KLRC1: variants seen among roughly 807,000 people sequenced by gnomAD.
KLRC1 encodes NKG2-A/NKG2-B type II integral membrane protein.
Under a neutral mutation model 25.9 loss-of-function variants are expected in KLRC1, and 22 were observed. That is an observed-to-expected ratio of 0.85 (90% CI 0.61 to 1.21). The LOEUF (loss-of-function observed/expected upper bound fraction) is 1.21. KLRC1 is among the 50% of genes most tolerant of loss of function. The pLI is 0.00. For synonymous variants in KLRC1, 77 were observed against 93.1 expected, an observed-to-expected ratio of 0.83 and a Z score of 0.99; for missense variants, 240 against 272.2, an observed-to-expected ratio of 0.88 and a Z score of 0.83.
chr12:10,450,390 T>C, intron 3 of KLRC1, 94 bp downstream of exon 3: 1 of 700,914 alleles, frequency 1.4e-6, no homozygotes, highest in Non-Finnish European at 2.5e-6. Context: ...TACATTACAA[T>C]GAGAACTCTA....
chr12:10,446,405 G>A lies in KLRC1; in HGVS notation c.*146C>T, dbSNP rs1863985071. On this transcript the variant is annotated 3_prime_UTR_variant, in exon 7 of 7. Coordinates refer to ENST00000359151, the MANE Select transcript of KLRC1 (RefSeq NM_002259.5). Reference sequence around the variant, plus strand: ...AGGATGTCTGTACTTTAGTAATTGTGTGTATCCTGTTTCAATAATTGATTT... The same window carrying A: ...AGGATGTCTGTACTTTAGTAATTGTATGTATCCTGTTTCAATAATTGATTT... 46 of 1,430,510 alleles carry A rather than the reference G, an allele frequency of 3.2e-5. No individual in the cohort carries two copies. Among genetic ancestry groups the A allele is most frequent in the Middle Eastern group, 2.6e-4 (1 of 3,814 alleles). 88.6% of individuals were successfully genotyped at this position (1,430,510 alleles called of 1,614,324 possible).
chr12:10,445,385 A>G (rs1009444952), downstream of KLRC1, among the ~76,000 whole-genome samples: 3 of 72,708 alleles, frequency 4.1e-5, no homozygotes, highest in African/African-American at 4.9e-4. Flanking sequence ...ACAATTGATA[A>G]AATCTATTAG....
chr12:10,444,546 G>A (rs190059077), downstream of KLRC1, among the ~76,000 whole-genome samples: 1 of 123,616 alleles, frequency 8.1e-6, no homozygotes, highest in Non-Finnish European at 1.9e-5. Flanking sequence ...CAATAAAACT[G>A]TATTTTCATT....
intron 6 of KLRC1, chr12:10,447,211 A>ATT (rs200612886): frequency 9.7e-6 from 2 of 206,106 alleles, no homozygotes; most frequent in Non-Finnish European, 1.9e-5. Context: ...ACATTCTGTG[A>ATT]TTTTTTTTTT....
chr12:10,453,051 T>A (rs559247981), intron 1 of KLRC1, 147 bp downstream of exon 1: 1 of 211,232 alleles, frequency 4.7e-6, no homozygotes, highest in Non-Finnish European at 8.2e-6. Context: ...TTTAGGTTTT[T>A]ACCCTGAGTT....
intron 1 of KLRC1, among the ~76,000 whole-genome samples, chr12:10,452,887 A>G (rs1407571113): frequency 1.3e-5 from 2 of 152,212 alleles, no homozygotes; most frequent in Admixed American, 1.3e-4. Flanking sequence ...TATTATTCAA[A>G]GATACATGAT....
intron 1 of KLRC1, among the ~76,000 whole-genome samples, chr12:10,451,986 A>T (rs1045214345): frequency 6.6e-6 from 1 of 151,800 alleles, no homozygotes; most frequent in Admixed American, 6.6e-5. Flanking sequence ...AGGTAATTAA[A>T]TGGTCTTTTC....
intron 5 of KLRC1, among the ~76,000 whole-genome samples, chr12:10,447,990 G>C (rs1851073): frequency 0.89 from 135,018 of 152,100 alleles, 59,964 homozygotes; most frequent in East Asian, 0.97. Context: ...TAGAGGTTGT[G>C]ATTCAGAAAT....
chr12:10,445,354 C>A (rs115834365), downstream of KLRC1, among the ~76,000 whole-genome samples: 10,288 of 150,732 alleles, frequency 0.068, 706 homozygotes, highest in South Asian at 0.25. Context: ...ATTCCAACTG[C>A]TACAAATTAA....
rs187283639 is a variant in KLRC1, at chr12:10,449,147, G to T, written c.489+90C>A. On this transcript the variant is annotated intron_variant, in intron 5 of 6. Coordinates refer to ENST00000359151, the MANE Select transcript of KLRC1 (RefSeq NM_002259.5). Reference sequence around the variant, plus strand: ...AAACTTGAAAACATATAAGCTAAATGTATATACCCACACATATGGATGATT... The same window carrying T: ...AAACTTGAAAACATATAAGCTAAATTTATATACCCACACATATGGATGATT... The T allele has an allele frequency of 2.6e-3, 3,980 of 1,517,822 alleles. 8 individuals carry two copies. Among genetic ancestry groups the T allele is most frequent in the Non-Finnish European group, 3.3e-3 (3,602 of 1,102,984 alleles). 94.0% of individuals were successfully genotyped at this position (1,517,822 alleles called of 1,614,324 possible). A position where few individuals can be genotyped will look rare whatever the true frequency, so the allele number is the denominator to read the frequency against.
chr12:10,451,076 A>G lies in KLRC1; in HGVS notation c.81T>C (p.Asn27=), dbSNP rs760095016. 15 of 1,613,994 alleles carry G rather than the reference A, an allele frequency of 9.3e-6. No homozygotes were observed. The South Asian group carries it at 1.6e-4, about 18-fold the overall frequency. ...GTTCAGTTGCTAAAATGGAGTTTTT[A>G]TTGCCTTTAGGTTTTCGTTGCTGCC... ...PKRQQRKPKG[N]KNSILATEQE... Residue 27 remains asparagine (N), a synonymous_variant, in exon 2 of 7, where the codon AAT becomes AAC. Coordinates refer to ENST00000359151, the MANE Select transcript of KLRC1 (RefSeq NM_002259.5).
At chr12:10,454,671 A>C (rs888630236), upstream of KLRC1, 2 of 968,000 alleles carry the variant, frequency 2.1e-6, no homozygotes, top group African/African-American at 3.5e-5. Context: ...CTCCACTCAA[A>C]CTCCTCTCAA....
rs779674755 is a variant in KLRC1 at position 10,450,532 on chromosome 12, T to G, written c.235A>C (p.Ile79Leu). 6 of 1,611,990 alleles carry G rather than the reference T, an allele frequency of 3.7e-6. No homozygotes were observed. The Admixed American group carries it at 8.3e-5, about 22-fold the overall frequency. Residue 79 changes from isoleucine to leucine, a missense_variant, in exon 3 of 7, where the codon ATC (isoleucine) becomes CTC (leucine). By Grantham distance (5) the Ile-to-Leu change is conservative. Coordinates refer to ENST00000359151, the MANE Select transcript of KLRC1 (RefSeq NM_002259.5). ...ACAGAGGCCATTAAGATAAGACAGA[T>G]AATTCCCAGGATCCCAACAATGAGC... Reference protein sequence around the residue: ...EKLIVGILGIICLILMASVVT... With the variant: ...EKLIVGILGILCLILMASVVT...
chr12:10,452,653 T>C (rs563498192), intron 1 of KLRC1, among the ~76,000 whole-genome samples: 2 of 152,324 alleles, frequency 1.3e-5, no homozygotes, highest in South Asian at 2.1e-4. Flanking sequence ...AAGTCTCCTA[T>C]GTCCATGCGC....
rs1863983272 is a variant in KLRC1 at position 10,446,310 on chromosome 12, A to T, written c.*241T>A. The T allele has an allele frequency of 9.0e-7, 1 of 1,108,638 alleles. No individual in the cohort carries two copies. Among genetic ancestry groups the T allele is most frequent in the Non-Finnish European group, 1.2e-6 (1 of 862,386 alleles). 68.7% of individuals were successfully genotyped at this position (1,108,638 alleles called of 1,614,324 possible). A position where few individuals can be genotyped will look rare whatever the true frequency, so the allele number is the denominator to read the frequency against. ...TACTTCCTATAAGCTGACTCACATA[A>T]CATGCAACTTTTAGAAAGGCTGAAA... On this transcript the variant is annotated 3_prime_UTR_variant, in exon 7 of 7. Coordinates refer to ENST00000359151, the MANE Select transcript of KLRC1 (RefSeq NM_002259.5).
rs369233389 is a variant in KLRC1, at chr12:10,447,515, C to T, written c.590+17G>A. ...TTATATATATATTGTTATATAGCGC[C>T]ATACAAAACAACTTACTCATGTTTG... is the stretch of plus-strand genomic sequence containing the variant. On this transcript the variant is annotated intron_variant, in intron 6 of 6. Transcript: ENST00000359151. 209 of 1,566,314 alleles carry T rather than the reference C, an allele frequency of 1.3e-4. No homozygotes were observed. Among genetic ancestry groups the T allele is most frequent in the Non-Finnish European group, 1.7e-4 (198 of 1,140,538 alleles).
downstream of KLRC1, among the ~76,000 whole-genome samples, chr12:10,443,669 A>G (rs763329769): frequency 7.1e-6 from 1 of 141,254 alleles, no homozygotes; most frequent in South Asian, 2.2e-4. Context: ...ATATGCACAC[A>G]CTCACACACG....
chr12:10,446,495 C>A lies in KLRC1; in HGVS notation c.*56G>T, dbSNP rs1863986833. On this transcript the variant is annotated 3_prime_UTR_variant, in exon 7 of 7. Coordinates refer to ENST00000359151, the MANE Select transcript of KLRC1 (RefSeq NM_002259.5). ...AGATTTATGCAATCATAATATATTT[C>A]TATTTTAAGAAATATACAATTTATC... 6.5e-7 allele frequency: 1 copy of A among 1,530,494 alleles called. No homozygotes were observed. Among genetic ancestry groups the A allele is most frequent in the Non-Finnish European group, 8.8e-7 (1 of 1,131,646 alleles). 94.8% of individuals were successfully genotyped at this position (1,530,494 alleles called of 1,614,324 possible).
intron 1 of KLRC1, chr12:10,451,396 G>A (rs1462387574): frequency 3.7e-6 from 1 of 273,526 alleles, no homozygotes; most frequent in African/African-American, 2.2e-5. Context: ...GGTGGCTCAC[G>A]CCTGTAATCC....
Sources: allele counts gnomAD v4.1 joint callset (sites outside exome capture counted in the v4.1 genomes callset), GRCh38; gene constraint gnomAD v4.1.1; transcripts MANE v1.5; gene names NCBI Gene and HGNC (gene_info 2026-07-23, HGNC 2026-07-21).